Variants in PREX1 observed in about 807,000 individuals in gnomAD.
PREX1 encodes phosphatidylinositol 3,4,5-trisphosphate-dependent Rac exchanger 1 protein.
A neutral mutation model predicts 198.3 loss-of-function variants in PREX1; 41 were observed. The observed-to-expected ratio is 0.21, with a 90% CI of 0.16 to 0.27. The LOEUF (loss-of-function observed/expected upper bound fraction) is 0.27. PREX1 is among the 10% of genes least tolerant of loss of function. The pLI is 1.00. For missense variants in PREX1, 1,620 were observed against 2,200.7 expected (o/e 0.74, Z 5.28); for synonymous variants, 843 against 887.2 (o/e 0.95, Z 0.89).
At chr20:48,753,932 T>C (rs1461576112) in intron 1 of PREX1, among the ~76,000 whole-genome samples, 3 of 152,210 alleles carry the variant, frequency 2.0e-5, no homozygotes, top group African/African-American at 7.2e-5. Context: ...TAAGTATGGA[T>C]AGGTTTGATC....
intron 5 of PREX1, among the ~76,000 whole-genome samples, chr20:48,719,248 T>C (rs2123112021): frequency 6.6e-6 from 1 of 152,080 alleles, no homozygotes; most frequent in Admixed American, 6.5e-5. Context: ...CTAGGAAGGC[T>C]CCTTCGAAGA....
chr20:48,634,920 GA>G, intron 32 of PREX1, 145 bp from the exon 33 acceptor site: 2 of 657,702 alleles, frequency 3.0e-6, no homozygotes, highest in South Asian at 1.8e-5. Context: ...CTCCAGAGTG[GA>G]TGTGAAATCA....
chr20:48,634,089 T>TGGATGGATGGAC (rs2089339169), intron 33 of PREX1, among the ~76,000 whole-genome samples: 1 of 139,042 alleles, frequency 7.2e-6, no homozygotes, highest in African/African-American at 2.7e-5. Flanking sequence ...GATGGACGGA[T>TGGATGGATGGAC]GGATGGATGG....
At chr20:48,712,952 C>T (rs1444041147) in intron 5 of PREX1, among the ~76,000 whole-genome samples, 1 of 152,118 alleles carries the variant, frequency 6.6e-6, no homozygotes, top group Non-Finnish European at 1.5e-5. Context: ...GGTGAAACCC[C>T]GTCTCTATTA....
the PREX1 span, among the ~76,000 whole-genome samples, chr20:48,881,478 C>T: frequency 1.3e-5 from 2 of 151,424 alleles, no homozygotes; most frequent in East Asian, 3.9e-4. Context: ...ATAGAATTTA[C>T]ATACAATTCA....
the PREX1 span, among the ~76,000 whole-genome samples, chr20:48,873,395 G>A: frequency 5.9e-5 from 9 of 152,050 alleles, no homozygotes; most frequent in Admixed American, 5.9e-4. Context: ...AAGTAATACA[G>A]GAGTGCAGTC....
chr20:48,639,841 T>C lies in PREX1; in HGVS notation c.3829A>G (p.Ser1277Gly), dbSNP rs2089395205. ...AGGTTCCAGGGGTCCTCCTGGATGC[T>C]AATCTGGATCAGGCTCCGGCCACGG... ...TIRGRSLIQI[S>G]IQEDPWNLPN... Residue 1277 changes from serine to glycine, a missense_variant, in exon 30 of 40, where the codon AGC becomes GGC. Coordinates refer to ENST00000371941, the MANE Select transcript of PREX1 (RefSeq NM_020820.4). 2 of 1,613,960 alleles carry C rather than the reference T, an allele frequency of 1.2e-6. No individual in the cohort carries two copies. Among genetic ancestry groups the C allele is most frequent in the Non-Finnish European group, 1.7e-6 (2 of 1,179,968 alleles).
chr20:48,849,227 T>C, the PREX1 span, among the ~76,000 whole-genome samples: 1 of 152,232 alleles, frequency 6.6e-6, no homozygotes, highest in Non-Finnish European at 1.5e-5. Flanking sequence ...AGTATTCCTC[T>C]GTTTTCTATA....
chr20:48,656,436 T>C (rs769085926), intron 18 of PREX1: 15 of 456,152 alleles, frequency 3.3e-5, no homozygotes, highest in Admixed American at 2.4e-4. Context: ...CTGGACCCCG[T>C]TACCCTACAG....
chr20:48,665,317 G>A (rs9679814), intron 15 of PREX1, among the ~76,000 whole-genome samples: 2,705 of 140,502 alleles, frequency 0.019, 100 homozygotes, highest in African/African-American at 0.072. Flanking sequence ...TCTAATCCTG[G>A]TTCCAGACGG....
At chr20:48,771,388 G>A (rs1018808016) in intron 1 of PREX1, among the ~76,000 whole-genome samples, 6 of 151,536 alleles carry the variant, frequency 4.0e-5, no homozygotes, top group African/African-American at 1.2e-4. Flanking sequence ...CAATTCCAGG[G>A]GAATCACTGT....
intron 39 of PREX1, among the ~76,000 whole-genome samples, chr20:48,626,433 T>G (rs6095216): frequency 0.6 from 90,829 of 152,138 alleles, 29,354 homozygotes; most frequent in African/African-American, 0.86. Flanking sequence ...TCCCAGCTTT[T>G]CCATTTACTA....
chr20:48,695,326 G>T (rs1281914178), intron 7 of PREX1, among the ~76,000 whole-genome samples: 3 of 152,220 alleles, frequency 2.0e-5, no homozygotes, highest in African/African-American at 7.2e-5. Context: ...GTGCTGCTGG[G>T]TATAGTGACA....
intron 32 of PREX1, 92 bp downstream of exon 32, chr20:48,636,371 C>A (rs2122838645): frequency 7.6e-7 from 1 of 1,312,752 alleles, no homozygotes; most frequent in East Asian, 2.5e-5. Flanking sequence ...CCAGGGGGAG[C>A]CTGAGTAAGT....
intron 1 of PREX1, among the ~76,000 whole-genome samples, chr20:48,809,939 C>T (rs547107154): frequency 1.3e-5 from 2 of 152,272 alleles, no homozygotes; most frequent in African/African-American, 4.8e-5. Flanking sequence ...GAAACAGATT[C>T]GCACCCTCTA....
chr20:48,736,296 C>G (rs1487824098), intron 3 of PREX1, among the ~76,000 whole-genome samples: 2 of 152,164 alleles, frequency 1.3e-5, no homozygotes, highest in African/African-American at 4.8e-5. Flanking sequence ...CCCCCATACA[C>G]ACACACATAC....
In PREX1 at chr20:48,691,820, T is replaced by A. The variant is rs1445167370; in HGVS notation, c.1037-724A>T. On this transcript the variant is annotated intron_variant, in intron 8 of 39. Transcript: ENST00000371941. This position sits in a 1 kb window ranked among gnomAD's most constrained non-coding sequence, Gnocchi z 5.0. ...AACCAACAGGCTGCAAACAGCTACA[T>A]GCAGAGACATGGATGAACCCCACTA... is the stretch of plus-strand genomic sequence containing the variant. Among the ~76,000 whole-genome samples the A allele has an allele frequency of 6.6e-6, 1 of 152,142 alleles. No homozygotes were observed. The highest frequency in any genetic ancestry group is 1.5e-5 in the Non-Finnish European group (1 of 68,028).
At chr20:48,814,327 T>C (rs2090450122) in intron 1 of PREX1, among the ~76,000 whole-genome samples, 2 of 152,130 alleles carry the variant, frequency 1.3e-5, no homozygotes, top group Admixed American at 6.5e-5. Context: ...AGACAGATAC[T>C]AAACAAATAA....
At chr20:48,723,969 T>C (rs1399293648) in intron 5 of PREX1, among the ~76,000 whole-genome samples, 2 of 152,196 alleles carry the variant, frequency 1.3e-5, no homozygotes, top group Admixed American at 6.5e-5. Context: ...CTCTGGGCCA[T>C]GGCTGCTGGT....
Sources: gnomAD v4.1 joint callset for allele counts (sites outside exome capture counted in the v4.1 genomes callset) on GRCh38, gnomAD v4.1.1 for gene constraint, Gnocchi (gnomAD v3.1) non-coding constraint, MANE v1.5 for transcripts, NCBI Gene and HGNC (gene_info 2026-07-23, HGNC 2026-07-21) for gene names.